The following RYR3 variants were observed in gnomAD, a reference collection of about 807,000 sequenced individuals.
RYR3 encodes ryanodine receptor 3.
RYR3 carries 207 observed loss-of-function variants against 584.3 expected under a neutral mutation model. The observed-to-expected ratio is 0.35, with a 90% CI of 0.32 to 0.40. The LOEUF (loss-of-function observed/expected upper bound fraction) is 0.40. Ranked by LOEUF, RYR3 falls within the 10% of genes least tolerant of loss-of-function variation. RYR3 has a pLI of 1.00. For synonymous variants in RYR3, 2,416 were observed against 2,248.5 expected, an observed-to-expected ratio of 1.07 and a Z score of -2.11; for missense variants, 5,616 against 6,089.2, an observed-to-expected ratio of 0.92 and a Z score of 2.59.
intron 1 of RYR3, among the ~76,000 whole-genome samples, chr15:33,462,371 A>G (rs2048108494): frequency 6.6e-6 from 1 of 152,198 alleles, no homozygotes; most frequent in Non-Finnish European, 1.5e-5. Flanking sequence ...TTTTCTACAA[A>G]CATTAAAGGG....
At chr15:33,499,841 C>A (rs1222931854) in intron 2 of RYR3, among the ~76,000 whole-genome samples, 2 of 152,196 alleles carry the variant, frequency 1.3e-5, no homozygotes, top group Non-Finnish European at 2.9e-5. Flanking sequence ...CCTATGGTGC[C>A]TTCAGAGCCA....
At chr15:33,786,557 T>G (rs2074729194) in intron 66 of RYR3, among the ~76,000 whole-genome samples, 1 of 152,126 alleles carries the variant, frequency 6.6e-6, no homozygotes, top group Admixed American at 6.5e-5. Flanking sequence ...TAGCCAATTT[T>G]CTCTTCCTGA....
intron 1 of RYR3, among the ~76,000 whole-genome samples, chr15:33,339,141 C>T (rs1487106502): frequency 6.6e-6 from 1 of 152,184 alleles, no homozygotes; most frequent in Non-Finnish European, 1.5e-5. Context: ...TTCCAGTAGA[C>T]ATTAGGACTA....
rs549047885 is a variant in RYR3, at chr15:33,838,745, G to T, written c.12765G>T (p.Val4255=). 3 of 1,613,930 alleles carry T rather than the reference G, an allele frequency of 1.9e-6. No individual in the cohort carries two copies. Among genetic ancestry groups the T allele is most frequent in the Non-Finnish European group, 2.5e-6 (3 of 1,179,880 alleles). ...DDTMEAERAE[V]MEPGITTELV... ...CTATGGAGGCTGAGAGGGCAGAGGT[G>T]ATGGAGCCAGGTATCACCACTGAAC... Residue 4255 remains valine, a synonymous_variant, in exon 89 of 104, where the codon GTG becomes GTT. Transcript: ENST00000634891.
intron 1 of RYR3, among the ~76,000 whole-genome samples, chr15:33,315,193 C>A (rs894058887): frequency 6.6e-6 from 1 of 152,138 alleles, no homozygotes; most frequent in Non-Finnish European, 1.5e-5. Flanking sequence ...TGAGCTGCAG[C>A]GCTCACGTGA....
Position 33,592,311 on chromosome 15 carries a change from G to T in RYR3, c.1788+6195G>T, listed in dbSNP as rs181687139. ...TATTTACAAGTCTCCTGGGGATCAT[G>T]TTAACATGAGGGCTCTGATTCAGTA... On this transcript the variant is annotated intron_variant, in intron 16 of 103. Coordinates refer to ENST00000634891, the MANE Select transcript of RYR3 (RefSeq NM_001036.6). Among the ~76,000 whole-genome samples the T allele has an allele frequency of 1.6e-3, 247 of 152,366 alleles. 1 individual carries two copies. Among genetic ancestry groups the T allele is most frequent in the African/African-American group, 5.7e-3 (238 of 41,582 alleles).
chr15:33,611,556 CA>C (rs2060186378), intron 18 of RYR3, among the ~76,000 whole-genome samples: 2 of 140,798 alleles, frequency 1.4e-5, no homozygotes, highest in African/African-American at 5.3e-5. Context: ...ACTCTGTCTC[CA>C]AAAAGAAAAA....
chr15:33,690,301 A>C (rs2065327870), intron 38 of RYR3, among the ~76,000 whole-genome samples: 1 of 146,954 alleles, frequency 6.8e-6, no homozygotes, highest in Non-Finnish European at 1.5e-5. Flanking sequence ...TTAAGCCCAA[A>C]TTCAGGAGAA....
At chr15:33,830,146 G>A (rs2077591408) in intron 85 of RYR3, among the ~76,000 whole-genome samples, 1 of 152,218 alleles carries the variant, frequency 6.6e-6, no homozygotes, top group African/African-American at 2.4e-5. Context: ...AATTTTGAAA[G>A]AAGTTCTGTG....
At chr15:33,654,991 A>C (rs1177123130) in intron 32 of RYR3, among the ~76,000 whole-genome samples, 2 of 152,094 alleles carry the variant, frequency 1.3e-5, no homozygotes, top group Non-Finnish European at 2.9e-5. Context: ...AGATGGACCA[A>C]ACCCTTCCTG....
intron 16 of RYR3, among the ~76,000 whole-genome samples, chr15:33,587,806 G>A (rs2058931209): frequency 6.6e-6 from 1 of 152,086 alleles, no homozygotes; most frequent in Admixed American, 6.6e-5. Context: ...TTTTCAAAGA[G>A]AAAAAACAGG....
chr15:33,748,041 T>G, intron 53 of RYR3, 73 bp from the exon 54 acceptor site: 1 of 1,456,822 alleles, frequency 6.9e-7, no homozygotes, highest in Non-Finnish European at 9.6e-7. Context: ...GGATGCACCT[T>G]CCATGCGGAG....
intron 5 of RYR3, among the ~76,000 whole-genome samples, chr15:33,536,913 T>G (rs1408964923): frequency 6.6e-6 from 1 of 152,220 alleles, no homozygotes; most frequent in Non-Finnish European, 1.5e-5. Flanking sequence ...CTTTCTAGAT[T>G]ATGCATTAAC....
At chr15:33,484,848 A>C (rs905411238) in intron 2 of RYR3, among the ~76,000 whole-genome samples, 20 of 152,260 alleles carry the variant, frequency 1.3e-4, no homozygotes, top group African/African-American at 4.3e-4. Flanking sequence ...TCCAACAGAA[A>C]ATTTTGGTAG....
At chr15:33,357,724 ATAAGTATTT>A (rs1016328252) in intron 1 of RYR3, among the ~76,000 whole-genome samples, 12 of 152,194 alleles carry the variant, frequency 7.9e-5, no homozygotes, top group African/African-American at 2.9e-4. Flanking sequence ...ACCTTCATTT[ATAAGTATTT>A]TAAGAAACAA....
Position 33,428,059 on chromosome 15 carries a change from T to G in RYR3, c.52-45360T>G, listed in dbSNP as rs1040821031. On this transcript the variant is annotated intron_variant, in intron 1 of 103. Transcript: ENST00000634891. Reference sequence around the variant, plus strand: ...ATATAACATGGTGCCATGCATTGTCTGTTATCTTTGTATTGTAAGCTCCTT... The same window carrying G: ...ATATAACATGGTGCCATGCATTGTCGGTTATCTTTGTATTGTAAGCTCCTT... Among the ~76,000 whole-genome samples, 9 of 152,266 alleles carry G rather than the reference T, an allele frequency of 5.9e-5. No homozygotes were observed. In the South Asian group the frequency reaches 1.9e-3, roughly 32 times the overall value.
At chr15:33,471,367 T>A (rs1351426674) in intron 1 of RYR3, among the ~76,000 whole-genome samples, 1 of 152,144 alleles carries the variant, frequency 6.6e-6, no homozygotes, top group Admixed American at 6.5e-5. Flanking sequence ...TGCTATTAAT[T>A]AAATCAGGGC....
At chr15:33,843,047 C>T (rs988554352) in intron 91 of RYR3, among the ~76,000 whole-genome samples, 7 of 151,602 alleles carry the variant, frequency 4.6e-5, no homozygotes, top group African/African-American at 7.3e-5. Context: ...TGGCCGGGCA[C>T]GGTGGCTCAC....
At chr15:33,522,189 G>T (rs2054050031) in intron 3 of RYR3, among the ~76,000 whole-genome samples, 1 of 151,756 alleles carries the variant, frequency 6.6e-6, no homozygotes, top group Non-Finnish European at 1.5e-5. Flanking sequence ...CTGGAACCCA[G>T]GGGGCAGAGG....
Sources: allele counts gnomAD v4.1 joint callset (sites outside exome capture counted in the v4.1 genomes callset), GRCh38; gene constraint gnomAD v4.1.1; transcripts MANE v1.5; gene names NCBI Gene and HGNC (gene_info 2026-07-23, HGNC 2026-07-21).